The following MIAT variants were observed in gnomAD, a reference collection of about 807,000 sequenced individuals.
MIAT encodes the protein myocardial infarction associated transcript, also known as MI related novel mRNA.
chr22:26,670,759 G>A (rs918557515), downstream of MIAT: 9 of 398,568 alleles, frequency 2.3e-5, no homozygotes, highest in South Asian at 1.3e-4. Context: ...TTTTATGGCC[G>A]TAGAATCTTT....
downstream of MIAT, chr22:26,674,536 T>G: frequency 7.5e-6 from 3 of 398,824 alleles, no homozygotes; most frequent in Admixed American, 4.4e-5. Context: ...AGTCTGGTGC[T>G]GAGAGCCCTT....
chr22:26,672,813 A>C (rs1931101735), downstream of MIAT: 2 of 398,472 alleles, frequency 5.0e-6, no homozygotes, highest in Non-Finnish European at 8.8e-6. Flanking sequence ...AAAACCACTG[A>C]GTGGAGTATT....
At chr22:26,665,794 C>T (rs187596839) in exon 4 of MIAT, 2 of 398,610 alleles carry the variant, frequency 5.0e-6, no homozygotes, top group Non-Finnish European at 8.8e-6. Context: ...TGTGGGGTCC[C>T]AGAAAGGGTG....
At chr22:26,651,383 G>C (rs560072729) in intron 2 of MIAT, among the ~76,000 whole-genome samples, 1 of 152,300 alleles carries the variant, frequency 6.6e-6, no homozygotes, top group Admixed American at 6.5e-5. Context: ...GCCTTGCCCA[G>C]AGCCCTTCCT....
chr22:26,673,393 C>T (rs6005126), downstream of MIAT: 493 of 399,144 alleles, frequency 1.2e-3, 3 homozygotes, highest in African/African-American at 9.1e-3. Context: ...ATCCCTGCCT[C>T]ACCCTGACTG....
At chr22:26,649,316 G>A (rs917651004) in intron 2 of MIAT, among the ~76,000 whole-genome samples, 5 of 152,212 alleles carry the variant, frequency 3.3e-5, no homozygotes, top group South Asian at 2.1e-4. Context: ...TGTATTCACT[G>A]CCCGCCCTGG....
chr22:26,660,450 G>A (rs1472393671), intron 2 of MIAT, among the ~76,000 whole-genome samples: 7 of 114,208 alleles, frequency 6.1e-5, no homozygotes, highest in Non-Finnish European at 1.2e-4. Context: ...CCTGGGTGAC[G>A]GAGACTATCT....
At chr22:26,668,822 G>A (rs1221115432) in exon 6 of MIAT, 2 of 398,762 alleles carry the variant, frequency 5.0e-6, no homozygotes, top group East Asian at 7.1e-5. Flanking sequence ...TCTGGGAGGA[G>A]CTGGAGCCTT....
intron 2 of MIAT, chr22:26,657,093 A>T (rs1930483003): frequency 5.9e-6 from 1 of 168,514 alleles, no homozygotes; most frequent in Non-Finnish European, 1.3e-5. Context: ...CTATGCCAGA[A>T]CAAGCGTCTT....
At chr22:26,650,692 G>A (rs1221942607) in intron 2 of MIAT, among the ~76,000 whole-genome samples, 1 of 152,162 alleles carries the variant, frequency 6.6e-6, no homozygotes, top group African/African-American at 2.4e-5. Context: ...CTGAGCCCAT[G>A]CCCAGATGAA....
At chr22:26,674,115 C>T (rs957092361), downstream of MIAT, 10 of 398,494 alleles carry the variant, frequency 2.5e-5, no homozygotes, top group Non-Finnish European at 4.0e-5. Context: ...AGTTCTAGGA[C>T]ATAAAGCTTT....
chr22:26,669,119 G>C (rs1450793865), exon 6 of MIAT: 1 of 398,650 alleles, frequency 2.5e-6, no homozygotes, highest in Non-Finnish European at 4.4e-6. Flanking sequence ...GGCAGGACAG[G>C]CCCCACAATC....
downstream of MIAT, chr22:26,674,428 C>T: frequency 2.5e-6 from 1 of 398,732 alleles, no homozygotes; most frequent in Non-Finnish European, 4.4e-6. Flanking sequence ...CAGGAGAAGA[C>T]AGTTCAAGGC....
intron 2 of MIAT, among the ~76,000 whole-genome samples, chr22:26,657,933 A>G (rs1208965825): frequency 6.6e-6 from 1 of 152,152 alleles, no homozygotes; most frequent in Non-Finnish European, 1.5e-5. Context: ...GGATCTTGCA[A>G]TCATGATTAT....
chr22:26,658,744 C>T (rs1415776409), intron 2 of MIAT, among the ~76,000 whole-genome samples: 2 of 152,214 alleles, frequency 1.3e-5, no homozygotes, highest in Non-Finnish European at 2.9e-5. Flanking sequence ...CACTGCAGTG[C>T]CGCCGCGGGG....
At chr22:26,666,961 A>C in intron 4 of MIAT, 1 of 139,644 alleles carries the variant, frequency 7.2e-6, no homozygotes, top group South Asian at 2.7e-4. Context: ...GGATGTGGGG[A>C]GGGAGGGAGG....
exon 4 of MIAT, chr22:26,665,891 A>G (rs1930827247): frequency 2.5e-6 from 1 of 398,624 alleles, no homozygotes; most frequent in Admixed American, 4.4e-5. Flanking sequence ...AAATGACTTC[A>G]TCTTGTGTAC....
At chr22:26,662,640 A>AT (rs1346293084) in intron 2 of MIAT, among the ~76,000 whole-genome samples, 1 of 152,098 alleles carries the variant, frequency 6.6e-6, no homozygotes, top group Non-Finnish European at 1.5e-5. Context: ...CGCGTGGCAC[A>AT]TTTTCATTAT....
chr22:26,666,853 C>T (rs1930864676), exon 4 of MIAT: 1 of 399,110 alleles, frequency 2.5e-6, no homozygotes, highest in Non-Finnish European at 4.4e-6. Context: ...GCTCTTTTGT[C>T]TTCCAGGATG....
Sources: allele counts gnomAD v4.1 joint callset (sites outside exome capture counted in the v4.1 genomes callset), GRCh38; gene constraint gnomAD v4.1.1; transcripts MANE v1.5; gene names NCBI Gene and HGNC (gene_info 2026-07-23, HGNC 2026-07-21).